ADAMTSL1: variants seen among roughly 807,000 people sequenced by gnomAD.
The protein encoded by ADAMTSL1 is ADAMTS-like protein 1.
In ADAMTSL1, 126 loss-of-function variants were observed where a neutral mutation model predicts 201.8. The observed-to-expected ratio is 0.62, with a 90% CI of 0.54 to 0.72. ADAMTSL1 has a LOEUF of 0.72. Among genes scored for constraint, ADAMTSL1 ranks in the 30% least tolerant of loss-of-function variants. ADAMTSL1 has a pLI of 0.00. For missense variants in ADAMTSL1, 2,679 were observed against 2,277.8 expected (o/e 1.18, Z -3.59); for synonymous variants, 1,121 against 903.4 (o/e 1.24, Z -4.32).
chr9:18,029,647 A>G (rs1412086480), intron 1 of ADAMTSL1, among the ~76,000 whole-genome samples: 2 of 151,882 alleles, frequency 1.3e-5, no homozygotes, highest in African/African-American at 4.8e-5. Flanking sequence ...CAACCTACTC[A>G]TCTGACAAAG....
At chr9:17,968,624 G>C (rs1026277337) in intron 1 of ADAMTSL1, among the ~76,000 whole-genome samples, 2 of 152,100 alleles carry the variant, frequency 1.3e-5, no homozygotes, top group African/African-American at 4.8e-5. Context: ...AAACAATGTG[G>C]TATCCTCGTT....
At chr9:17,932,958 C>G (rs1301913403) in intron 1 of ADAMTSL1, among the ~76,000 whole-genome samples, 1 of 152,106 alleles carries the variant, frequency 6.6e-6, no homozygotes, top group African/African-American at 2.4e-5. Flanking sequence ...TTTGATCCAT[C>G]ACTTATGTCA....
At chr9:18,242,882 G>T (rs10810933) in intron 2 of ADAMTSL1, among the ~76,000 whole-genome samples, 20,130 of 152,030 alleles carry the variant, frequency 0.13, 1,677 homozygotes, top group East Asian at 0.31. Flanking sequence ...CATGTTCATA[G>T]ATTGAAGTAA....
intron 3 of ADAMTSL1, among the ~76,000 whole-genome samples, chr9:18,556,029 A>G (rs1821090318): frequency 6.6e-6 from 1 of 152,054 alleles, no homozygotes; most frequent in East Asian, 1.9e-4. Flanking sequence ...AAAGAAGAAA[A>G]CAGAGACAGC....
At chr9:18,772,173 G>A (rs1354194094) in intron 17 of ADAMTSL1, among the ~76,000 whole-genome samples, 1 of 152,208 alleles carries the variant, frequency 6.6e-6, no homozygotes, top group Non-Finnish European at 1.5e-5. Flanking sequence ...ACAGAGGTAG[G>A]TGTATTTGCC....
intron 1 of ADAMTSL1, among the ~76,000 whole-genome samples, chr9:17,970,111 T>C (rs2840788): frequency 0.85 from 128,590 of 151,928 alleles, 54,679 homozygotes; most frequent in East Asian, 0.94. Flanking sequence ...ACTGATATTT[T>C]CCTCTTAATG....
intron 23 of ADAMTSL1, among the ~76,000 whole-genome samples, chr9:18,881,121 T>C (rs1828505934): frequency 6.6e-6 from 1 of 152,222 alleles, no homozygotes; most frequent in African/African-American, 2.4e-5. Flanking sequence ...GGTTTGATCT[T>C]CTAACCAGAC....
At chr9:18,775,188 CTT>C (rs891099315) in intron 17 of ADAMTSL1, among the ~76,000 whole-genome samples, 19 of 152,186 alleles carry the variant, frequency 1.2e-4, no homozygotes, top group Middle Eastern at 3.4e-3. Context: ...AATGACAGCT[CTT>C]TGAGATTAGG....
intron 2 of ADAMTSL1, among the ~76,000 whole-genome samples, chr9:18,270,924 G>T (rs556328345): frequency 2.0e-5 from 3 of 152,282 alleles, no homozygotes; most frequent in South Asian, 2.1e-4. Flanking sequence ...GAAGAAAGAA[G>T]ACTCTAGGAC....
At chr9:18,083,513 CT>C (rs1369829156) in intron 1 of ADAMTSL1, among the ~76,000 whole-genome samples, 6 of 152,178 alleles carry the variant, frequency 3.9e-5, no homozygotes, top group Non-Finnish European at 7.4e-5. Flanking sequence ...GATATTTAGC[CT>C]TTGGCTTGGT....
At chr9:18,599,407 TAGGA>T (rs1824482282) in intron 4 of ADAMTSL1, among the ~76,000 whole-genome samples, 1 of 152,170 alleles carries the variant, frequency 6.6e-6, no homozygotes, top group African/African-American at 2.4e-5. Flanking sequence ...GGTGGGTGCT[TAGGA>T]GGAGGTAGGA....
At chr9:18,375,038 A>G (rs1463983010) in intron 2 of ADAMTSL1, among the ~76,000 whole-genome samples, 2 of 152,200 alleles carry the variant, frequency 1.3e-5, no homozygotes. Context: ...GGGCACTGGG[A>G]AACATCTTGC....
At chr9:18,172,628 A>G (rs530217838) in intron 2 of ADAMTSL1, among the ~76,000 whole-genome samples, 1 of 152,200 alleles carries the variant, frequency 6.6e-6, no homozygotes, top group South Asian at 2.1e-4. Flanking sequence ...TTTCACTTTA[A>G]AAATCTACCT....
At chr9:18,613,234 A>G (rs1378669190) in intron 4 of ADAMTSL1, among the ~76,000 whole-genome samples, 1 of 152,162 alleles carries the variant, frequency 6.6e-6, no homozygotes, top group Non-Finnish European at 1.5e-5. Context: ...AAGGTTGTGG[A>G]AAAAAAGGAA....
intron 2 of ADAMTSL1, among the ~76,000 whole-genome samples, chr9:18,322,004 C>G (rs1048403588): frequency 6.6e-6 from 1 of 151,848 alleles, no homozygotes. Flanking sequence ...TAAAAACCAC[C>G]AAATATTTGA....
intron 1 of ADAMTSL1, among the ~76,000 whole-genome samples, chr9:18,005,716 C>T (rs968622697): frequency 1.3e-5 from 2 of 151,992 alleles, no homozygotes; most frequent in East Asian, 1.9e-4. Flanking sequence ...GAGTATGGAA[C>T]GTAGTGATAG....
At chr9:18,218,823 C>G (rs901295638) in intron 2 of ADAMTSL1, among the ~76,000 whole-genome samples, 1 of 151,806 alleles carries the variant, frequency 6.6e-6, no homozygotes, top group East Asian at 1.9e-4. Context: ...GTGTAAAAAC[C>G]TCTTCTCTGT....
intron 2 of ADAMTSL1, among the ~76,000 whole-genome samples, chr9:18,388,293 CAG>C (rs1465454752): frequency 6.6e-6 from 1 of 151,746 alleles, no homozygotes. Flanking sequence ...TTTTTTGAGA[CAG>C]GGTCTCACTC....
chr9:18,849,502 A>G (rs1306752464), intron 23 of ADAMTSL1, among the ~76,000 whole-genome samples: 1 of 152,196 alleles, frequency 6.6e-6, no homozygotes, highest in Non-Finnish European at 1.5e-5. Flanking sequence ...AGCGGTGGGA[A>G]CAGCAAGTTC....
Sources: allele counts gnomAD v4.1 joint callset (sites outside exome capture counted in the v4.1 genomes callset), GRCh38; gene constraint gnomAD v4.1.1; transcripts MANE v1.5; gene names NCBI Gene and HGNC (gene_info 2026-07-23, HGNC 2026-07-21).